Variants in TDRD1 observed in about 807,000 individuals in gnomAD.
The protein encoded by TDRD1 is tudor domain containing 1.
A neutral mutation model predicts 140.6 loss-of-function variants in TDRD1; 37 were observed. The observed-to-expected ratio is 0.26, with a 90% confidence interval of 0.20 to 0.35. The LOEUF is 0.35. TDRD1 is among the 10% of genes least tolerant of loss of function. The pLI is 1.00. For synonymous variants in TDRD1, 506 were observed against 475.7 expected (o/e 1.06, Z -0.83); for missense variants, 1,243 against 1,393.0 (o/e 0.89, Z 1.71).
intron 25 of TDRD1, among the ~76,000 whole-genome samples, chr10:114,231,163 G>A (rs564899565): frequency 6.6e-6 from 1 of 152,356 alleles, no homozygotes; most frequent in African/African-American, 2.4e-5. Context: ...CAGAAGTGCT[G>A]TGGTGATATG....
upstream of TDRD1, among the ~76,000 whole-genome samples, chr10:114,177,035 G>T (rs1308576450): frequency 6.6e-6 from 1 of 151,818 alleles, no homozygotes. Context: ...GCCAAAGCTG[G>T]AAAAATCTGA....
chr10:114,223,240 T>C (rs773044179), intron 21 of TDRD1, among the ~76,000 whole-genome samples: 2 of 152,196 alleles, frequency 1.3e-5, no homozygotes, highest in Non-Finnish European at 2.9e-5. Context: ...TCAGGTCCAA[T>C]TGGCAGGCAA....
exon 7 of TDRD1, chr10:114,203,080 T>C: frequency 6.2e-7 from 1 of 1,611,794 alleles, no homozygotes; most frequent in Non-Finnish European, 8.5e-7. Context: ...AGAGTGACTG[T>C]CCACTTGGAG....
chr10:114,206,202 AT>A, intron 10 of TDRD1, 41 bp from the exon 11 acceptor site: 1 of 1,394,298 alleles, frequency 7.2e-7, no homozygotes, highest in Non-Finnish European at 1.0e-6. Context: ...AATTCTTTGT[AT>A]AGTTTCTCAA....
chr10:114,201,255 C>T (rs1031085138), intron 4 of TDRD1, among the ~76,000 whole-genome samples, 155 bp from the exon 5 acceptor site: 2 of 152,154 alleles, frequency 1.3e-5, no homozygotes, highest in African/African-American at 2.4e-5. Flanking sequence ...GTCATTTCTT[C>T]TCTGTATTCT....
chr10:114,198,638 G>C (rs1280714534), intron 3 of TDRD1, among the ~76,000 whole-genome samples: 1 of 151,868 alleles, frequency 6.6e-6, no homozygotes, highest in Admixed American at 6.6e-5. Context: ...TAGCAGAGCA[G>C]GTTTTAAATT....
chr10:114,217,403 A>G (rs1322442647), intron 16 of TDRD1, 142 bp from the exon 17 acceptor site: 1 of 482,506 alleles, frequency 2.1e-6, no homozygotes, highest in Non-Finnish European at 3.7e-6. Context: ...TTTAATAAGG[A>G]AAAGCATTGG....
intron 18 of TDRD1, among the ~76,000 whole-genome samples, chr10:114,219,483 A>G (rs1198199261): frequency 6.6e-6 from 1 of 152,202 alleles, no homozygotes; most frequent in Non-Finnish European, 1.5e-5. Context: ...TTGGATTCCA[A>G]AATTCAACAG....
At chr10:114,228,611 T>A (rs2036578425) in intron 25 of TDRD1, 2 of 985,428 alleles carry the variant, frequency 2.0e-6, no homozygotes, top group Non-Finnish European at 2.4e-6. Context: ...AGGGTATTTT[T>A]CATTTAAAAA....
chr10:114,201,699 A>G (rs1192021563), intron 5 of TDRD1, among the ~76,000 whole-genome samples, 184 bp downstream of exon 5: 1 of 152,224 alleles, frequency 6.6e-6, no homozygotes, highest in Non-Finnish European at 1.5e-5. Context: ...TCATTTTACC[A>G]GGTAGTACAT....
intron 3 of TDRD1, among the ~76,000 whole-genome samples, chr10:114,194,062 A>G (rs2034173378): frequency 6.6e-6 from 1 of 152,234 alleles, no homozygotes; most frequent in South Asian, 2.1e-4. Context: ...TGGTCGTGAT[A>G]TACAATTATT....
At chr10:114,202,560 G>A (rs1224067180) in intron 6 of TDRD1, among the ~76,000 whole-genome samples, 2 of 152,078 alleles carry the variant, frequency 1.3e-5, no homozygotes, top group African/African-American at 2.4e-5. Context: ...AGCTTTATGT[G>A]CTGTACTCTA....
At chr10:114,178,039 C>T (rs1389450979), upstream of TDRD1, among the ~76,000 whole-genome samples, 1 of 151,708 alleles carries the variant, frequency 6.6e-6, no homozygotes, top group Non-Finnish European at 1.5e-5. Flanking sequence ...GACGGGGTTT[C>T]ACCATGTTGG....
At chr10:114,221,775 T>C (rs972638927) in intron 20 of TDRD1, among the ~76,000 whole-genome samples, 2 of 152,252 alleles carry the variant, frequency 1.3e-5, no homozygotes, top group Admixed American at 6.5e-5. Context: ...TATTGAATCA[T>C]ATTTACTGCT....
intron 11 of TDRD1, 67 bp downstream of exon 11, chr10:114,206,397 A>C: frequency 7.8e-7 from 1 of 1,281,074 alleles, no homozygotes; most frequent in South Asian, 1.2e-5. Context: ...CCTACTAAAC[A>C]AAGGCACAAC....
chr10:114,203,122 A>C, exon 7 of TDRD1: 9 of 1,613,996 alleles, frequency 5.6e-6, no homozygotes, highest in Non-Finnish European at 7.6e-6. Flanking sequence ...GGGCTGAGAG[A>C]ATAATGTTTT....
upstream of TDRD1, among the ~76,000 whole-genome samples, chr10:114,174,875 C>T (rs2032656194): frequency 6.6e-6 from 1 of 152,194 alleles, no homozygotes; most frequent in Admixed American, 6.5e-5. Flanking sequence ...ACAGTTGCCT[C>T]GCCCGGCCCA....
intron 13 of TDRD1, 77 bp from the exon 14 acceptor site, chr10:114,211,789 C>A (rs1589695764): frequency 7.3e-7 from 1 of 1,361,562 alleles, no homozygotes; most frequent in East Asian, 2.6e-5. Flanking sequence ...ATGACCATCT[C>A]TAAGTTGAGG....
At chr10:114,221,717 G>A (rs687157) in intron 20 of TDRD1, among the ~76,000 whole-genome samples, 322 of 152,222 alleles carry the variant, frequency 2.1e-3, no homozygotes, top group African/African-American at 7.3e-3. Context: ...TATAACAGAA[G>A]TGTCCTTAAT....
Sources: allele counts gnomAD v4.1 joint callset (sites outside exome capture counted in the v4.1 genomes callset), GRCh38; gene constraint gnomAD v4.1.1; transcripts MANE v1.5; gene names NCBI Gene and HGNC (gene_info 2026-07-23, HGNC 2026-07-21).